Variants in TSPAN7 observed in about 807,000 individuals in gnomAD.
The protein encoded by TSPAN7 is tetraspanin 7.
A neutral mutation model predicts 17.6 loss-of-function variants in TSPAN7; 1 was observed. That is an observed-to-expected ratio of 0.06 (90% CI 0.02 to 0.27). The LOEUF (loss-of-function observed/expected upper bound fraction) is 0.27. Ranked by LOEUF, TSPAN7 falls within the 10% of genes least tolerant of loss-of-function variation. The probability of loss-of-function intolerance (pLI) is 1.00; values close to 1 mark genes in which losing one functional copy is unlikely to be tolerated. For synonymous variants in TSPAN7, 78 were observed against 79.0 expected (o/e 0.99, Z 0.07); for missense variants, 112 against 201.7 (o/e 0.56, Z 2.69).
intron 1 of TSPAN7, among the ~76,000 whole-genome samples, chrX:38,651,580 T>C (rs896664699): frequency 1.8e-5 from 2 of 111,976 alleles, no homozygotes; most frequent in Admixed American, 1.9e-4. Context: ...AAGGACATCT[T>C]CGTTGTGCTT....
rs1326646855 is a variant in TSPAN7, at chrX:38,674,385, T to C, written c.441+69T>C. ...TAGGCTTAGACTTATGGACTGCCTG[T>C]AGGTTGGCCCAGTAGTTGCTATTTG... On this transcript the variant is annotated intron_variant, in intron 4 of 7. Coordinates refer to ENST00000378482, the MANE Select transcript of TSPAN7 (RefSeq NM_004615.4). 7.2e-6 allele frequency: 7 copies of C among 978,511 alleles called. No homozygotes were observed. In the Admixed American group the frequency reaches 1.6e-4, roughly 22 times the overall value. 80.6% of individuals were successfully genotyped at this position (978,511 alleles called of 1,213,427 possible).
intron 1 of TSPAN7, among the ~76,000 whole-genome samples, chrX:38,629,903 T>A (rs2069540369): frequency 8.9e-6 from 1 of 112,244 alleles, no homozygotes. Context: ...CATTCTCATT[T>A]AAAAGGTATT....
intron 1 of TSPAN7, among the ~76,000 whole-genome samples, chrX:38,611,604 T>C (rs1424831078): frequency 1.8e-5 from 2 of 111,626 alleles, no homozygotes; most frequent in Admixed American, 9.5e-5. Flanking sequence ...GTTCTGTGAC[T>C]GCTGTCTTGG....
chrX:38,680,539 TTCTCTC>T (rs61619425), intron 5 of TSPAN7, among the ~76,000 whole-genome samples: 809 of 75,518 alleles, frequency 0.011, 5 homozygotes, highest in Middle Eastern at 0.014. Flanking sequence ...TACTTACAAA[TTCTCTC>T]TCTCTCTCTC....
In TSPAN7 at chrX:38,625,803, G is replaced by A. The variant is rs142384526; in HGVS notation, c.82-40318G>A. 6.2e-5 allele frequency among the ~76,000 whole-genome samples: 7 copies of A among 112,147 alleles called. No individual in the cohort carries two copies. The East Asian group carries it at 1.4e-3, about 23-fold the overall frequency. ...GTGTGGATACATGAAAATTTTAGAC[G>A]TATGAGGCAATTTTCTTTCTGATAG... On this transcript the variant is annotated intron_variant, in intron 1 of 7. Coordinates refer to ENST00000378482, the MANE Select transcript of TSPAN7 (RefSeq NM_004615.4).
intron 1 of TSPAN7, among the ~76,000 whole-genome samples, chrX:38,657,399 A>G (rs2069710847): frequency 9.0e-6 from 1 of 111,713 alleles, no homozygotes; most frequent in Middle Eastern, 4.2e-3. Flanking sequence ...CTGTCACCAT[A>G]TGGGTCCATT....
intron 5 of TSPAN7, among the ~76,000 whole-genome samples, chrX:38,679,368 G>A (rs1366034221): frequency 8.9e-6 from 1 of 112,245 alleles, no homozygotes; most frequent in African/African-American, 3.2e-5. Context: ...ACTGCAGGGA[G>A]AAGATATAGT....
intron 1 of TSPAN7, among the ~76,000 whole-genome samples, chrX:38,562,141 C>T (rs1292950263): frequency 9.0e-6 from 1 of 111,597 alleles, no homozygotes; most frequent in African/African-American, 3.3e-5. Flanking sequence ...CCAGAAGCAC[C>T]GTGCCTGCCT....
At chrX:38,639,969 C>A (rs2069603399) in intron 1 of TSPAN7, among the ~76,000 whole-genome samples, 1 of 111,443 alleles carries the variant, frequency 9.0e-6, no homozygotes, top group African/African-American at 3.3e-5. Flanking sequence ...GAAAACTCAG[C>A]CATGAATGAG....
At chrX:38,603,069 C>T in intron 1 of TSPAN7, among the ~76,000 whole-genome samples, 1 of 111,816 alleles carries the variant, frequency 8.9e-6, no homozygotes, top group African/African-American at 3.2e-5. Flanking sequence ...AGAATTCTTA[C>T]AAGTCAATAT....
intron 1 of TSPAN7, among the ~76,000 whole-genome samples, chrX:38,610,948 C>T (rs1389958309): frequency 8.9e-6 from 1 of 111,995 alleles, no homozygotes; most frequent in Non-Finnish European, 1.9e-5. Context: ...CAAATCAGTG[C>T]CCAGTTGCTT....
At chrX:38,677,586 CT>C (rs1411025664) in intron 5 of TSPAN7, among the ~76,000 whole-genome samples, 1 of 111,856 alleles carries the variant, frequency 8.9e-6, no homozygotes, top group Non-Finnish European at 1.9e-5. Context: ...CACTTTCCAC[CT>C]TCCCACTATA....
At chrX:38,676,228 G>A (rs1218303686) in intron 5 of TSPAN7, among the ~76,000 whole-genome samples, 1 of 111,052 alleles carries the variant, frequency 9.0e-6, no homozygotes, top group African/African-American at 3.3e-5. Flanking sequence ...TTTGCAGCTG[G>A]GTGTCAGTTT....
At chrX:38,618,029 C>T (rs1332358350) in intron 1 of TSPAN7, among the ~76,000 whole-genome samples, 1 of 111,429 alleles carries the variant, frequency 9.0e-6, no homozygotes, top group Non-Finnish European at 1.9e-5. Flanking sequence ...GAAGAATGAA[C>T]CTTGGAAGTC....
chrX:38,660,720 T>A (rs895736104), intron 1 of TSPAN7, among the ~76,000 whole-genome samples: 1 of 112,193 alleles, frequency 8.9e-6, no homozygotes, highest in Non-Finnish European at 1.9e-5. Flanking sequence ...ATCTCGCCTG[T>A]GTGTTTCTTT....
At chrX:38,572,703 A>C (rs1158688371) in intron 1 of TSPAN7, among the ~76,000 whole-genome samples, 1 of 111,372 alleles carries the variant, frequency 9.0e-6, no homozygotes, top group African/African-American at 3.3e-5. Flanking sequence ...TCCCAAAGGT[A>C]GACCCCTTTG....
chrX:38,567,629 CAT>C (rs1260733721), intron 1 of TSPAN7, among the ~76,000 whole-genome samples: 2 of 112,454 alleles, frequency 1.8e-5, no homozygotes, highest in African/African-American at 6.5e-5. Context: ...ATGTCTATTA[CAT>C]GTCAGGTATT....
chrX:38,595,652 A>G (rs187871253), intron 1 of TSPAN7, among the ~76,000 whole-genome samples: 2 of 112,417 alleles, frequency 1.8e-5, no homozygotes, highest in African/African-American at 6.4e-5. Context: ...ACAGCTATGA[A>G]CAGTCCTCAA....
intron 1 of TSPAN7, among the ~76,000 whole-genome samples, chrX:38,661,694 G>A (rs753377641): frequency 8.9e-6 from 1 of 111,949 alleles, no homozygotes; most frequent in South Asian, 3.7e-4. Flanking sequence ...TTCTGAGAAA[G>A]AAGCAAAACC....
Sources: allele counts gnomAD v4.1 joint callset (sites outside exome capture counted in the v4.1 genomes callset), GRCh38; gene constraint gnomAD v4.1.1; transcripts MANE v1.5; gene names NCBI Gene and HGNC (gene_info 2026-07-23, HGNC 2026-07-21).